NUDT4: variants seen among roughly 807,000 people sequenced by gnomAD.
The protein encoded by NUDT4 is diphosphoinositol polyphosphate phosphohydrolase 2.
Under a neutral mutation model 23.1 loss-of-function variants are expected in NUDT4, and 5 were observed. That is an observed-to-expected ratio of 0.22 (90% CI 0.11 to 0.46). The LOEUF (loss-of-function observed/expected upper bound fraction) is 0.46, where lower values mean the gene tolerates loss of function less well. Ranked by LOEUF, NUDT4 falls within the 20% of genes least tolerant of loss-of-function variation. NUDT4 has a pLI of 0.99. For missense variants in NUDT4, 96 were observed against 211.6 expected, an observed-to-expected ratio of 0.45 and a Z score of 3.39; for synonymous variants, 50 against 79.0, an observed-to-expected ratio of 0.63 and a Z score of 1.95.
In NUDT4 at chr12:93,405,622, A is replaced by G. The variant is rs1877766397; in HGVS notation, c.*6243A>G. ...TCTTGGAATATACCTGACTTCCACG[A>G]TAAAATGGAGATGAGTGCAGGGGTG... On this transcript the variant is annotated 3_prime_UTR_variant, in exon 5 of 5. Transcript: ENST00000415493. 2 of 152,250 alleles carry G rather than the reference A, an allele frequency of 1.3e-5. No individual in the cohort carries two copies. The highest frequency in any genetic ancestry group is 4.8e-5 in the African/African-American group (2 of 41,460). 9.4% of individuals were successfully genotyped at this position (152,250 alleles called of 1,614,324 possible).
At chr12:93,396,412 T>C (rs1211806397) in intron 3 of NUDT4, among the ~76,000 whole-genome samples, 1 of 152,222 alleles carries the variant, frequency 6.6e-6, no homozygotes, top group Admixed American at 6.5e-5. Context: ...GAGGTCCAGA[T>C]GTATCTTCAT....
intron 1 of NUDT4, among the ~76,000 whole-genome samples, chr12:93,386,241 G>A (rs1051769143): frequency 2.0e-5 from 3 of 151,842 alleles, no homozygotes; most frequent in Non-Finnish European, 4.4e-5. Context: ...CCAAAGCACC[G>A]GGATTACGGG....
In NUDT4 at chr12:93,402,248, GA is replaced by G. The variant is rs1464904075; in HGVS notation, c.*2872del. 4.6e-5 allele frequency: 7 copies of G among 151,302 alleles called. No homozygotes were observed. Among genetic ancestry groups the G allele is most frequent in the African/African-American group, 1.7e-4 (7 of 41,230 alleles). 9.4% of individuals were successfully genotyped at this position (151,302 alleles called of 1,614,324 possible). On this transcript the variant is annotated 3_prime_UTR_variant, in exon 5 of 5. Coordinates refer to ENST00000415493, the MANE Select transcript of NUDT4 (RefSeq NM_019094.6). ...AAGAATCCTGACTTTTTTATATTTG[GA>G]AACATCAAATAAAAATGGAAAAAAT...
rs1348706162 is a variant in NUDT4 at position 93,407,818 on chromosome 12, C to CGACTT, written c.*8439_*8440insGACTT. ...TGGCCTCTCCCAGAGCCCCTTAAGT[C>CGACTT]CTAAGAAGGCTCAGTCAACACACTG... On this transcript the variant is annotated 3_prime_UTR_variant, in exon 5 of 5. Transcript: ENST00000415493. 3 of 152,316 alleles carry CGACTT rather than the reference C, an allele frequency of 2.0e-5. No homozygotes were observed. In the East Asian group the frequency reaches 5.8e-4, roughly 29 times the overall value. The allele number at this position is 152,316 out of a possible 1,614,324, so 9.4% of individuals were successfully genotyped here.
Position 93,404,645 on chromosome 12 carries a change from C to CT in NUDT4, c.*5269dup. On this transcript the variant is annotated 3_prime_UTR_variant, in exon 5 of 5. Transcript: ENST00000415493. ...GAGCTATGTGCTGCCACAGGGAGTC[C>CT]TTTCAATAGTGATTGAAAAAGGCAG... 6.6e-6 allele frequency: 1 copy of CT among 152,310 alleles called. No homozygotes were observed. The highest frequency in any genetic ancestry group is 3.4e-3 in the Middle Eastern group (1 of 294). The allele number at this position is 152,310 out of a possible 1,614,324, so 9.4% of individuals were successfully genotyped here.
In NUDT4 at chr12:93,404,456, C is replaced by T. The variant is rs1877690424; in HGVS notation, c.*5077C>T. On this transcript the variant is annotated 3_prime_UTR_variant, in exon 5 of 5. Coordinates refer to ENST00000415493, the MANE Select transcript of NUDT4 (RefSeq NM_019094.6). ...ACAGCTGCATACATACCCTTTCACC[C>T]AACAGTTCCACTCCTGGGAGTCTAG... is the stretch of plus-strand genomic sequence containing the variant. 1 of 152,188 alleles carries T rather than the reference C, an allele frequency of 6.6e-6. No homozygotes were observed. Among genetic ancestry groups the T allele is most frequent in the African/African-American group, 2.4e-5 (1 of 41,456 alleles). The allele number at this position is 152,188 out of a possible 1,614,324, so 9.4% of individuals were successfully genotyped here.
chr12:93,378,451 C>G (rs1244371704), intron 1 of NUDT4, 30 bp downstream of exon 1: 1 of 1,521,338 alleles, frequency 6.6e-7, no homozygotes, highest in Non-Finnish European at 8.9e-7. Context: ...ACGCTGCCCT[C>G]CGGGGCGCCG....
intron 1 of NUDT4, among the ~76,000 whole-genome samples, chr12:93,392,114 C>A (rs113181640): frequency 0.027 from 4,118 of 151,838 alleles, 208 homozygotes; most frequent in African/African-American, 0.095. Flanking sequence ...GAACCCCTGA[C>A]CTCAGATGTC....
intron 3 of NUDT4, among the ~76,000 whole-genome samples, chr12:93,395,971 G>A (rs1188526149): frequency 1.3e-5 from 2 of 152,062 alleles, no homozygotes; most frequent in African/African-American, 4.8e-5. Context: ...CGCCCACCTC[G>A]GCCTCCCAAA....
chr12:93,398,705 C>G, intron 3 of NUDT4, 66 bp from the exon 4 acceptor site: 1 of 1,113,980 alleles, frequency 9.0e-7, no homozygotes, highest in Non-Finnish European at 1.3e-6. Flanking sequence ...AATTTTTTTC[C>G]CTTGGAAAAT....
At chr12:93,398,950 T>C (rs969131707) in intron 4 of NUDT4, 95 bp downstream of exon 4, 9 of 933,902 alleles carry the variant, frequency 9.6e-6, no homozygotes, top group Non-Finnish European at 1.3e-5. Flanking sequence ...ATCTGAATAC[T>C]CTTTGCTTAT....
At chr12:93,394,841 A>T (rs940590336) in intron 2 of NUDT4, 122 bp downstream of exon 2, 2 of 588,678 alleles carry the variant, frequency 3.4e-6, no homozygotes, top group Admixed American at 6.3e-5. Flanking sequence ...CTTTATTTTT[A>T]ATTTTAATTT....
intron 1 of NUDT4, among the ~76,000 whole-genome samples, chr12:93,391,501 G>A (rs1051908389): frequency 1.3e-5 from 2 of 151,748 alleles, no homozygotes; most frequent in Admixed American, 1.3e-4. Context: ...GGAGGCAGAG[G>A]TTGCTGTGAG....
chr12:93,385,979 T>A (rs1229318319), intron 1 of NUDT4, among the ~76,000 whole-genome samples: 20 of 110,682 alleles, frequency 1.8e-4, no homozygotes, highest in Non-Finnish European at 2.9e-4. Flanking sequence ...ATACATAATT[T>A]TTTTTTTCTT....
At position 93,405,091 on chromosome 12, in the gene NUDT4, C is replaced by G. The variant is rs905770489; in HGVS notation, c.*5712C>G. 6.6e-6 allele frequency: 1 copy of G among 152,126 alleles called. No individual in the cohort carries two copies. Among genetic ancestry groups the G allele is most frequent in the Non-Finnish European group, 1.5e-5 (1 of 68,032 alleles). The allele number at this position is 152,126 out of a possible 1,614,324, so 9.4% of individuals were successfully genotyped here. A position where few individuals can be genotyped will look rare whatever the true frequency, so the allele number is the denominator to read the frequency against. On this transcript the variant is annotated 3_prime_UTR_variant, in exon 5 of 5. Transcript: ENST00000415493. Reference sequence around the variant, plus strand: ...AATAACTTGGACTTACTTGGTTGCTCAGTCCTGATGTGTCCTGTTAAAACC... The same window carrying G: ...AATAACTTGGACTTACTTGGTTGCTGAGTCCTGATGTGTCCTGTTAAAACC...
rs1025076684 is a variant in NUDT4, at chr12:93,377,966, A to C, written c.-357A>C. 3 of 253,336 alleles carry C rather than the reference A, an allele frequency of 1.2e-5. No individual in the cohort carries two copies. The highest frequency in any genetic ancestry group is 1.6e-5 in the Non-Finnish European group (2 of 127,646). The allele number at this position is 253,336 out of a possible 1,614,324, so 15.7% of individuals were successfully genotyped here. On this transcript the variant is annotated 5_prime_UTR_variant, in exon 1 of 5. Transcript: ENST00000415493. ...CTGCTCAGTGGGAGCGGGTCTTCGC[A>C]ACTGTCTCCGCGTGGCGCGCGCCTC...
Position 93,406,503 on chromosome 12 carries a change from A to T in NUDT4, c.*7124A>T, listed in dbSNP as rs1043312357. On this transcript the variant is annotated 3_prime_UTR_variant, in exon 5 of 5. Transcript: ENST00000415493. Reference sequence around the variant, plus strand: ...TCTTATTTTTAAGTGCTTCTTTGAAATTGTTTTACAAGTACATTCTTGGTC... The same window carrying T: ...TCTTATTTTTAAGTGCTTCTTTGAATTTGTTTTACAAGTACATTCTTGGTC... 26 of 152,082 alleles carry T rather than the reference A, an allele frequency of 1.7e-4. No homozygotes were observed. Among genetic ancestry groups the T allele is most frequent in the Admixed American group, 7.2e-4 (11 of 15,262 alleles). The allele number at this position is 152,082 out of a possible 1,614,324, so 9.4% of individuals were successfully genotyped here. A position where few individuals can be genotyped will look rare whatever the true frequency, so the allele number is the denominator to read the frequency against.
rs565080877 is a variant in NUDT4 at position 93,400,221 on chromosome 12, G to A, written c.*842G>A. The A allele has an allele frequency of 1.3e-5, 2 of 151,942 alleles. No homozygotes were observed. The highest frequency in any genetic ancestry group is 1.5e-5 in the Non-Finnish European group (1 of 68,002). 9.4% of individuals were successfully genotyped at this position (151,942 alleles called of 1,614,324 possible). A position where few individuals can be genotyped will look rare whatever the true frequency, so the allele number is the denominator to read the frequency against. ...TACCTTAGAACCGTTATTTCCCTCA[G>A]TGTAGATTGCTCTTAAAATGTATTC... is the stretch of plus-strand genomic sequence containing the variant. On this transcript the variant is annotated 3_prime_UTR_variant, in exon 5 of 5. Transcript: ENST00000415493.
chr12:93,394,582 A>C, intron 1 of NUDT4, 27 bp from the exon 2 acceptor site: 4 of 1,305,948 alleles, frequency 3.1e-6, no homozygotes, highest in Non-Finnish European at 4.3e-6. Flanking sequence ...TCAGGCTGGA[A>C]GTATACAGTT....
Sources: allele counts gnomAD v4.1 joint callset (sites outside exome capture counted in the v4.1 genomes callset), GRCh38; gene constraint gnomAD v4.1.1; transcripts MANE v1.5; gene names NCBI Gene and HGNC (gene_info 2026-07-23, HGNC 2026-07-21).